The following PCDHGA3 variants were observed in gnomAD, a reference collection of about 807,000 sequenced individuals.
PCDHGA3 encodes the protein protocadherin gamma subfamily A, 3, also known as protocadherin gamma-A3.
PCDHGA3 carries 40 observed loss-of-function variants against 58.5 expected under a neutral mutation model. That is an observed-to-expected ratio of 0.68 (90% confidence interval 0.53 to 0.89). The LOEUF (loss-of-function observed/expected upper bound fraction) is 0.89, where lower values mean the gene tolerates loss of function less well. PCDHGA3 is among the 40% of genes least tolerant of loss of function. The pLI, the probability that PCDHGA3 is intolerant of heterozygous loss-of-function variation, is 0.00. For synonymous variants in PCDHGA3, 530 were observed against 525.7 expected, an observed-to-expected ratio of 1.01 and a Z score of -0.11; for missense variants, 1,223 against 1,195.9, an observed-to-expected ratio of 1.02 and a Z score of -0.33.
chr5:141,364,548 A>G, intron 1 of PCDHGA3: 5 of 1,614,106 alleles, frequency 3.1e-6, no homozygotes, highest in Non-Finnish European at 4.2e-6. Context: ...GGTAGGACGC[A>G]GCTTTTTGCC....
chr5:141,356,104 A>G lies in PCDHGA3; in HGVS notation c.2424+9647A>G, dbSNP rs763528385. On this transcript the variant is annotated intron_variant, in intron 1 of 3. Transcript: ENST00000253812. ...GTTGAATTCTCTGAGTGGGGATATA[A>G]CAATATTGGGGGGTCTAGATTATGA... 184 of 1,613,800 alleles carry G rather than the reference A, an allele frequency of 1.1e-4. 1 individual carries two copies. In the South Asian group the frequency reaches 1.8e-3, roughly 16 times the overall value.
At chr5:141,366,166 C>T (rs764048783) in intron 1 of PCDHGA3, 1 of 1,614,076 alleles carries the variant, frequency 6.2e-7, no homozygotes. Flanking sequence ...TTAAGGCCAG[C>T]GAGCCAGGAC....
intron 1 of PCDHGA3, chr5:141,400,037 G>T (rs778871485): frequency 3.1e-6 from 5 of 1,613,132 alleles, no homozygotes; most frequent in Admixed American, 1.7e-5. Flanking sequence ...GCCCGCCAGC[G>T]CCTGCTGGTT....
At position 141,383,174 on chromosome 5, in the gene PCDHGA3, G is replaced by C. The variant is rs771829169; in HGVS notation, c.2424+36717G>C. The C allele has an allele frequency of 1.1e-5, 18 of 1,613,966 alleles. No individual in the cohort carries two copies. Among genetic ancestry groups the C allele is most frequent in the Non-Finnish European group, 1.3e-5 (15 of 1,179,984 alleles). On this transcript the variant is annotated intron_variant, in intron 1 of 3. Coordinates refer to ENST00000253812, the MANE Select transcript of PCDHGA3 (RefSeq NM_018916.4). ...TTGGTCACTGCGGGCAGGATAGACC[G>C]GGAAGAGATCTGCGCTCAGAGTGCG...
chr5:141,365,002 C>T (rs779500238), intron 1 of PCDHGA3: 3 of 1,613,918 alleles, frequency 1.9e-6, no homozygotes, highest in Non-Finnish European at 2.5e-6. Flanking sequence ...TACTCTCCGG[C>T]ACCACGCACA....
intron 1 of PCDHGA3, chr5:141,356,703 GTCC>G (rs749123912): frequency 3.1e-6 from 5 of 1,613,980 alleles, no homozygotes; most frequent in Non-Finnish European, 3.4e-6. Context: ...GTGCACCTCT[GTCC>G]TCCTATGTCT....
chr5:141,379,798 G>C (rs890822360), intron 1 of PCDHGA3, among the ~76,000 whole-genome samples: 1 of 150,150 alleles, frequency 6.7e-6, no homozygotes, highest in African/African-American at 2.5e-5. Context: ...GCTATCTGAG[G>C]TTTTGAGAGT....
At chr5:141,395,901 C>G (rs1019647060) in intron 1 of PCDHGA3, 6 of 152,046 alleles carry the variant, frequency 3.9e-5, no homozygotes, top group African/African-American at 1.4e-4. Flanking sequence ...GCTCCATGCC[C>G]ATGGAGACAT....
intron 1 of PCDHGA3, chr5:141,417,121 G>C (rs2096086482): frequency 6.6e-6 from 1 of 152,110 alleles, no homozygotes; most frequent in Non-Finnish European, 1.5e-5. Context: ...GGACACCCTG[G>C]ATGATGGTAA....
chr5:141,457,058 T>C (rs756862311), intron 1 of PCDHGA3, among the ~76,000 whole-genome samples: 1 of 152,230 alleles, frequency 6.6e-6, no homozygotes, highest in South Asian at 2.1e-4. Flanking sequence ...TCATGCTTCC[T>C]TTTTGCCAGT....
Position 141,375,262 on chromosome 5 carries a change from A to C in PCDHGA3, c.2424+28805A>C, listed in dbSNP as rs781354981. The C allele has an allele frequency of 3.1e-6, 5 of 1,613,914 alleles. No individual in the cohort carries two copies. In the South Asian group the frequency reaches 5.5e-5, roughly 18 times the overall value. On this transcript the variant is annotated intron_variant, in intron 1 of 3. Coordinates refer to ENST00000253812, the MANE Select transcript of PCDHGA3 (RefSeq NM_018916.4). Reference sequence around the variant, plus strand: ...CCATCCCGAGAAGTCTCCCATTTGAATTGGAAAAATCAGTTGGCAATTATT... The same window carrying C: ...CCATCCCGAGAAGTCTCCCATTTGACTTGGAAAAATCAGTTGGCAATTATT...
intron 1 of PCDHGA3, among the ~76,000 whole-genome samples, chr5:141,450,814 A>C (rs990515429): frequency 1.5e-5 from 2 of 136,790 alleles, no homozygotes; most frequent in Non-Finnish European, 3.1e-5. Context: ...TTATTTATTT[A>C]ATATTATTAT....
chr5:141,469,103 C>A (rs949254605), intron 1 of PCDHGA3, among the ~76,000 whole-genome samples: 2 of 151,844 alleles, frequency 1.3e-5, no homozygotes, highest in African/African-American at 2.4e-5. Context: ...AAAGCAAGAA[C>A]CTGTCTCTAA....
chr5:141,367,813 CTT>C (rs1205428294), intron 1 of PCDHGA3: 1 of 151,974 alleles, frequency 6.6e-6, no homozygotes, highest in African/African-American at 2.4e-5. Context: ...TAGATAAACC[CTT>C]TACTTATTAG....
In PCDHGA3 at chr5:141,400,299, A is replaced by G. The variant is rs374558900; in HGVS notation, c.2424+53842A>G. The G allele has an allele frequency of 9.8e-5, 158 of 1,613,834 alleles. 1 individual carries two copies. In the East Asian group the frequency reaches 1.2e-3, roughly 12 times the overall value. ...GCCCTGCCGCCTGGAGCTGCTTCCAACCTGGTCTCTGTGTCAAGTCTGGAC... is the reference window on the plus strand; with the variant it reads ...GCCCTGCCGCCTGGAGCTGCTTCCAGCCTGGTCTCTGTGTCAAGTCTGGAC... On this transcript the variant is annotated intron_variant, in intron 1 of 3. Coordinates refer to ENST00000253812, the MANE Select transcript of PCDHGA3 (RefSeq NM_018916.4).
rs1051300319 is a variant in PCDHGA3 at position 141,491,957 on chromosome 5, A to T, written c.2425-2850A>T. ...GACCGACCCCCACCCCTACACTCAA[A>T]AAAGGCCGGGGCCTCCTTCGAGCTT... is the stretch of plus-strand genomic sequence containing the variant. On this transcript the variant is annotated intron_variant, in intron 1 of 3. Coordinates refer to ENST00000253812, the MANE Select transcript of PCDHGA3 (RefSeq NM_018916.4). The surrounding 1 kb of genome is among the most constrained non-coding windows in gnomAD (Gnocchi z 6.9). 3.6e-5 allele frequency: 37 copies of T among 1,020,096 alleles called. No individual in the cohort carries two copies. The highest frequency in any genetic ancestry group is 5.0e-5 in the Non-Finnish European group (37 of 736,248). The allele number at this position is 1,020,096 out of a possible 1,614,324, so 63.2% of individuals were successfully genotyped here.
At chr5:141,472,058 C>T (rs149583469) in intron 1 of PCDHGA3, among the ~76,000 whole-genome samples, 114 of 152,176 alleles carry the variant, frequency 7.5e-4, no homozygotes, top group African/African-American at 2.6e-3. Context: ...AAATGATTGA[C>T]ATGTCTGTGG....
At chr5:141,361,145 T>A in intron 1 of PCDHGA3, 1 of 1,613,964 alleles carries the variant, frequency 6.2e-7, no homozygotes, top group East Asian at 2.2e-5. Context: ...CAAGTTGAAA[T>A]TCTTGATGAC....
intron 1 of PCDHGA3, among the ~76,000 whole-genome samples, chr5:141,420,793 T>C (rs1400287885): frequency 6.6e-6 from 1 of 152,268 alleles, no homozygotes; most frequent in Non-Finnish European, 1.5e-5. Flanking sequence ...TGAAAACTTT[T>C]TAAAAATTAA....
Sources: allele counts gnomAD v4.1 joint callset (sites outside exome capture counted in the v4.1 genomes callset), GRCh38; gene constraint gnomAD v4.1.1; non-coding constraint Gnocchi (gnomAD v3.1); transcripts MANE v1.5; gene names NCBI Gene and HGNC (gene_info 2026-07-23, HGNC 2026-07-21).